AP1G2: variants seen among roughly 807,000 people sequenced by gnomAD.
The protein encoded by AP1G2 is adaptor related protein complex 1 subunit gamma 2.
In AP1G2, 85 loss-of-function variants were observed where a neutral mutation model predicts 95.8. That is an observed-to-expected ratio of 0.89 (90% confidence interval 0.74 to 1.06). The LOEUF (loss-of-function observed/expected upper bound fraction) is 1.06. Among genes scored for constraint, AP1G2 ranks in the 50% least tolerant of loss-of-function variants. The pLI is 0.00. For missense variants in AP1G2, 967 were observed against 1,005.8 expected (o/e 0.96, Z 0.52); for synonymous variants, 378 against 400.0 (o/e 0.94, Z 0.66).
intron 9 of AP1G2, 49 bp downstream of exon 9, chr14:23,564,513 G>A (rs774555743): frequency 6.2e-7 from 1 of 1,602,226 alleles, no homozygotes; most frequent in African/African-American, 1.3e-5. Flanking sequence ...GACCTGTGTG[G>A]GTGAGGTGGT....
In AP1G2 at chr14:23,561,307, G is replaced by A. The variant is rs768596106; in HGVS notation, c.1982C>T (p.Pro661Leu). 2 of 1,538,142 alleles carry A rather than the reference G, an allele frequency of 1.3e-6. No homozygotes were observed. Residue 661 changes from proline to leucine, a missense_variant, in exon 19 of 22, where the codon CCT (proline) becomes CTT (leucine). Transcript: ENST00000397120. ...LVHLLDLPCV[P>L]PPPAPIPDLK... is the part of the protein sequence containing the mutation. ...TTGCTTAGGCTTACCTGGGGGTGGA[G>A]GTACACAGGGAAGGTCAAGCAGGTG...
Position 23,567,435 on chromosome 14 carries a change from T to C in AP1G2, c.-5-116A>G, listed in dbSNP as rs1309269740. 13 of 1,421,520 alleles carry C rather than the reference T, an allele frequency of 9.1e-6. No homozygotes were observed. The Admixed American group carries it at 2.7e-4, about 29-fold the overall frequency. 88.1% of individuals were successfully genotyped at this position (1,421,520 alleles called of 1,614,324 possible). On this transcript the variant is annotated intron_variant, in intron 1 of 21. Coordinates refer to ENST00000397120, the MANE Select transcript of AP1G2 (RefSeq NM_003917.5). The surrounding 1 kb of genome is among the most constrained non-coding windows in gnomAD (Gnocchi z 5.3). ...CCGGGTCCCACAGGTACCCTAAAAT[T>C]GCGCCCGCATTTTACCTTTCCCGAA...
chr14:23,560,345 T>C lies in AP1G2; in HGVS notation c.2067A>G (p.Glu689=). The change falls in exon 20 of 22, where the codon GAA becomes GAG. Residue 689 remains glutamate (E), a synonymous_variant. Coordinates refer to ENST00000397120, the MANE Select transcript of AP1G2 (RefSeq NM_003917.5). ...TGGTGATTAACAGCAAAGCAGGGTT[T>C]TCAGGGGGTCGAATGAAAGACAGAT... The part of the protein sequence containing the change: ...QLNLSFIRPP[E]NPALLLITIT... 6.2e-7 allele frequency: 1 copy of C among 1,614,026 alleles called. No individual in the cohort carries two copies. Among genetic ancestry groups the C allele is most frequent in the Non-Finnish European group, 8.5e-7 (1 of 1,179,996 alleles).
chr14:23,566,838 A>G, intron 2 of AP1G2, 152 bp from the exon 3 acceptor site: 1 of 1,203,704 alleles, frequency 8.3e-7, no homozygotes, highest in Non-Finnish European at 1.2e-6. Flanking sequence ...TAGGAAATTC[A>G]GGCGTTAGTG....
rs115240901 is a variant in AP1G2, at chr14:23,560,609, G to A, written c.1994-191C>T. ...GAGAAACAATAAAAAAAGGCCGGGC[G>A]TGAGCCAGTAATCCCAGCACTTTGG... is the stretch of plus-strand genomic sequence containing the variant. On this transcript the variant is annotated intron_variant, in intron 19 of 21. Coordinates refer to ENST00000397120, the MANE Select transcript of AP1G2 (RefSeq NM_003917.5). 4.3e-3 allele frequency: 2,155 copies of A among 503,180 alleles called. 49 individuals are homozygous for A. Among genetic ancestry groups the A allele is most frequent in the African/African-American group, 0.039 (1,981 of 50,612 alleles). 31.2% of individuals were successfully genotyped at this position (503,180 alleles called of 1,614,324 possible). A position where few individuals can be genotyped will look rare whatever the true frequency, so the allele number is the denominator to read the frequency against.
Position 23,563,467 on chromosome 14 carries a change from G to A in AP1G2, c.1323C>T (p.Asn441=). 6.2e-7 allele frequency: 1 copy of A among 1,614,074 alleles called. No homozygotes were observed. Among genetic ancestry groups the A allele is most frequent in the South Asian group, 1.1e-5 (1 of 91,044 alleles). Reference sequence around the variant, plus strand: ...GGGCCCCCCCAATCAGCTGGGTCAGGTTGGCCACTGCATCATCCCGCACAT... The same window carrying A: ...GGGCCCCCCCAATCAGCTGGGTCAGATTGGCCACTGCATCATCCCGCACAT... The part of the protein sequence containing the change: ...GTHVRDDAVA[N]LTQLIGGAQE... The change falls in exon 14 of 22, where the codon AAC becomes AAT. Residue 441 remains asparagine (N), a synonymous_variant. Transcript: ENST00000397120.
rs772788148 is a variant in AP1G2 at position 23,561,957 on chromosome 14, C to G, written c.1733+5G>C. The G allele has an allele frequency of 6.2e-7, 1 of 1,605,506 alleles. No individual in the cohort carries two copies. The highest frequency in any genetic ancestry group is 8.5e-7 in the Non-Finnish European group (1 of 1,176,158). ...TCCCATGCTGCAGCACAGTGCTGGACACACCTCATGTGGTCGTATTTCCGG... is the reference window on the plus strand; with the variant it reads ...TCCCATGCTGCAGCACAGTGCTGGAGACACCTCATGTGGTCGTATTTCCGG... On this transcript the variant is annotated splice_donor_5th_base_variant and intron_variant, in intron 17 of 21. Transcript: ENST00000397120.
rs777405247 is a variant in AP1G2, at chr14:23,565,738, T to C, written c.646-37A>G. On this transcript the variant is annotated intron_variant, in intron 6 of 21. Coordinates refer to ENST00000397120, the MANE Select transcript of AP1G2 (RefSeq NM_003917.5). Reference sequence around the variant, plus strand: ...GCACAACTTTGGGCATTCGTTCTAATCCTCTCCAGCTAAAGCCCCATTCCT... The same window carrying C: ...GCACAACTTTGGGCATTCGTTCTAACCCTCTCCAGCTAAAGCCCCATTCCT... 9.9e-6 allele frequency: 16 copies of C among 1,610,138 alleles called. No homozygotes were observed. In the South Asian group the frequency reaches 1.6e-4, roughly 17 times the overall value.
At chr14:23,560,996 GA>G in intron 19 of AP1G2, 1 of 784,044 alleles carries the variant, frequency 1.3e-6, no homozygotes. Context: ...AAAAGAACAT[GA>G]AATGCCAAGG....
At position 23,561,541 on chromosome 14, in the gene AP1G2, C is replaced by G. The variant is rs1414126964; in HGVS notation, c.1828G>C (p.Glu610Gln). The part of the protein sequence containing the change: ...KESKEAAQLS[E>Q]AAPVPTEPQA... ...GGCTCTGTGGGCACTGGGGCTGCTT[C>G]TGAAAGCTGGGCTGCTTCTTTGCTT... The change falls in exon 18 of 22, where the codon GAA becomes CAA. Residue 610 changes from glutamate to glutamine, a missense_variant. By Grantham distance (29) the Glu-to-Gln change is conservative. Transcript: ENST00000397120. 6.2e-7 allele frequency: 1 copy of G among 1,614,182 alleles called. No individual in the cohort carries two copies. Among genetic ancestry groups the G allele is most frequent in the Non-Finnish European group, 8.5e-7 (1 of 1,180,020 alleles).
In AP1G2 at chr14:23,561,991, G is replaced by T. The variant is rs1885014806; in HGVS notation, c.1704C>A (p.Asp568Glu). 3 of 1,613,028 alleles carry T rather than the reference G, an allele frequency of 1.9e-6. No individual in the cohort carries two copies. The highest frequency in any genetic ancestry group is 2.5e-6 in the Non-Finnish European group (3 of 1,179,596). ...TGTGGTCGTATTTCCGGAAGAGTGT[G>T]TCATACTCCACAGCCCGCTGCTGCA... ...VELQQRAVEY[D>E]TLFRKYDHMR... Residue 568 changes from aspartate to glutamate, a missense_variant, in exon 17 of 22, where the codon GAC becomes GAA. Physicochemically the swap from Asp to Glu is conservative, Grantham distance 45. Coordinates refer to ENST00000397120, the MANE Select transcript of AP1G2 (RefSeq NM_003917.5).
rs1013553942 is a variant in AP1G2, at chr14:23,567,522, A to T, written c.-5-203T>A. 72 of 1,358,612 alleles carry T rather than the reference A, an allele frequency of 5.3e-5. No homozygotes were observed. Among genetic ancestry groups the T allele is most frequent in the Non-Finnish European group, 6.0e-5 (64 of 1,064,172 alleles). 84.2% of individuals were successfully genotyped at this position (1,358,612 alleles called of 1,614,324 possible). A position where few individuals can be genotyped will look rare whatever the true frequency, so the allele number is the denominator to read the frequency against. ...AGAAGCCCACTACGCATGCGTCCGC[A>T]CCCCACCGGCGCCCCTTCCTATTGA... On this transcript the variant is annotated intron_variant, in intron 1 of 21. Transcript: ENST00000397120. The surrounding 1 kb of genome is among the most constrained non-coding windows in gnomAD (Gnocchi z 5.3).
At position 23,564,039 on chromosome 14, in the gene AP1G2, T is replaced by A; in HGVS notation, c.1091+7A>T. On this transcript the variant is annotated splice_region_variant and intron_variant, in intron 11 of 21. Coordinates refer to ENST00000397120, the MANE Select transcript of AP1G2 (RefSeq NM_003917.5). The stretch of plus-strand genomic sequence containing the variant: ...CCTGCCCTCCTGTCCCCTCTATCAC[T>A]GCTCACCGGCTGAGGGAGGCATCAG... 1 of 1,613,944 alleles carries A rather than the reference T, an allele frequency of 6.2e-7. No individual in the cohort carries two copies.
Position 23,565,706 on chromosome 14 carries a change from AG to A in AP1G2, c.646-6del, listed in dbSNP as rs2139343662. On this transcript the variant is annotated splice_polypyrimidine_tract_variant and splice_region_variant and intron_variant, in intron 6 of 21. Transcript: ENST00000397120. ...GTGTACCAGCTGGGGTACCACCTGG[AG>A]GGAGGGCACAACTTTGGGCATTCGT... 5 of 1,613,002 alleles carry A rather than the reference AG, an allele frequency of 3.1e-6. 1 individual carries two copies. The East Asian group carries it at 1.1e-4, about 36-fold the overall frequency.
chr14:23,564,460 T>G, intron 9 of AP1G2, 72 bp from the exon 10 acceptor site: 1 of 1,603,440 alleles, frequency 6.2e-7, no homozygotes. Context: ...GGGAACACAT[T>G]GGCGCAAGAT....
At chr14:23,559,890 GCT>G in intron 21 of AP1G2, 40 bp from the exon 22 acceptor site, 1 of 1,611,724 alleles carries the variant, frequency 6.2e-7, no homozygotes, top group Non-Finnish European at 8.5e-7. Context: ...AGCACCCACG[GCT>G]TCTTCTATCC....
chr14:23,567,694 G>T lies in AP1G2; in HGVS notation c.-6+45C>A. ...TCCCCCGATTTCCATCTCAGGCAGCGGCAGCGGCAGCGACAGCCTGCCTAC... is the reference window on the plus strand; with the variant it reads ...TCCCCCGATTTCCATCTCAGGCAGCTGCAGCGGCAGCGACAGCCTGCCTAC... On this transcript the variant is annotated intron_variant, in intron 1 of 21. Transcript: ENST00000397120. This position sits in a 1 kb window ranked among gnomAD's most constrained non-coding sequence, Gnocchi z 5.3. The T allele has an allele frequency of 2.9e-6, 3 of 1,040,426 alleles. No individual in the cohort carries two copies. Among genetic ancestry groups the T allele is most frequent in the South Asian group, 6.5e-5 (2 of 30,548 alleles). The allele number at this position is 1,040,426 out of a possible 1,614,324, so 64.4% of individuals were successfully genotyped here.
In AP1G2 at chr14:23,563,423, G is replaced by T; in HGVS notation, c.1367C>A (p.Ser456Tyr). 1 of 1,611,414 alleles carries T rather than the reference G, an allele frequency of 6.2e-7. No individual in the cohort carries two copies. The highest frequency in any genetic ancestry group is 8.5e-7 in the Non-Finnish European group (1 of 1,179,120). The change falls in exon 14 of 22, where the codon TCT becomes TAT. Residue 456 changes from serine (S) to tyrosine (Y), a missense_variant. Physicochemically the swap from Ser to Tyr is moderately radical, Grantham distance 144. Transcript: ENST00000397120. Reference protein sequence around the residue: ...IGGAQELHAYSVRRLYNALAE... With the variant: ...IGGAQELHAYYVRRLYNALAE... ...CAGGGCATTGTAGAGGCGGCGCACA[G>T]AGTAGGCATGTAGCTCCTGGGCCCC...
chr14:23,563,399 A>G lies in AP1G2; in HGVS notation c.1391T>C (p.Leu464Pro). The change falls in exon 14 of 22, where the codon CTG becomes CCG. Residue 464 changes from leucine (L) to proline (P), a missense_variant. Coordinates refer to ENST00000397120, the MANE Select transcript of AP1G2 (RefSeq NM_003917.5). Reference sequence around the variant, plus strand: ...TGGTACCTGGGAAATGTCTTCTGCCAGGGCATTGTAGAGGCGGCGCACAGA... The same window carrying G: ...TGGTACCTGGGAAATGTCTTCTGCCGGGGCATTGTAGAGGCGGCGCACAGA... ...AYSVRRLYNA[L>P]AEDISQQPLV... The G allele has an allele frequency of 6.2e-7, 1 of 1,601,812 alleles. No homozygotes were observed. Among genetic ancestry groups the G allele is most frequent in the Non-Finnish European group, 8.5e-7 (1 of 1,174,784 alleles).
Sources: allele counts gnomAD v4.1 joint callset, GRCh38; gene constraint gnomAD v4.1.1; non-coding constraint Gnocchi (gnomAD v3.1); transcripts MANE v1.5; gene names NCBI Gene and HGNC (gene_info 2026-07-23, HGNC 2026-07-21).